PCAT7: variants seen among roughly 807,000 people sequenced by gnomAD.
PCAT7 encodes the protein prostate cancer associated transcript 7 (non-protein coding).
chr9:94,565,669 T>G (rs887327101), intron 2 of PCAT7, among the ~76,000 whole-genome samples: 1 of 130,924 alleles, frequency 7.6e-6, no homozygotes. Context: ...GTTTCTACTC[T>G]AACTTACCTT....
intron 2 of PCAT7, among the ~76,000 whole-genome samples, chr9:94,561,420 T>C (rs1311152243): frequency 7.6e-6 from 1 of 131,516 alleles, no homozygotes; most frequent in Admixed American, 9.4e-5. Context: ...TGGAGTGCAG[T>C]GGCGCGATCT....
chr9:94,562,669 G>A (rs974881949), intron 2 of PCAT7, among the ~76,000 whole-genome samples: 2 of 152,130 alleles, frequency 1.3e-5, no homozygotes, highest in East Asian at 3.8e-4. Flanking sequence ...ACTTACCTAC[G>A]ATTTCTGTGA....
At chr9:94,556,767 T>A (rs987039821) in intron 1 of PCAT7, among the ~76,000 whole-genome samples, 2 of 152,246 alleles carry the variant, frequency 1.3e-5, no homozygotes, top group Non-Finnish European at 2.9e-5. Flanking sequence ...TCCTAACCAA[T>A]TTCATGAAGC....
intron 2 of PCAT7, among the ~76,000 whole-genome samples, chr9:94,559,461 AG>A: frequency 6.6e-6 from 1 of 152,110 alleles, no homozygotes; most frequent in Non-Finnish European, 1.5e-5. Context: ...TTCAACAAGA[AG>A]CAAACTGATG....
intron 2 of PCAT7, among the ~76,000 whole-genome samples, chr9:94,566,256 C>T (rs565373045): frequency 6.6e-6 from 1 of 152,366 alleles, no homozygotes; most frequent in East Asian, 1.9e-4. Context: ...AAAGTCTCTG[C>T]AGCACTGTGA....
Position 94,559,017 on chromosome 9 carries a change from C to T in PCAT7, n.306C>T, listed in dbSNP as rs571948509. ...TGGTGACCCCAGAATGAGGGGGACT[C>T]GCTGGTGAATTGCCTCGGGCTTCAC... is the stretch of plus-strand genomic sequence containing the variant. On this transcript the variant is annotated non_coding_transcript_exon_variant, in exon 2 of 9. Transcript: ENST00000647389. The T allele has an allele frequency of 3.7e-6, 6 of 1,614,096 alleles. No individual in the cohort carries two copies. The highest frequency in any genetic ancestry group is 1.7e-5 in the Admixed American group (1 of 60,020).
At chr9:94,563,889 G>A (rs688843) in intron 2 of PCAT7, among the ~76,000 whole-genome samples, 38,638 of 152,066 alleles carry the variant, frequency 0.25, 6,252 homozygotes, top group East Asian at 0.53. Flanking sequence ...CAAAAAAGAC[G>A]AAAAGGACAT....
intron 1 of PCAT7, among the ~76,000 whole-genome samples, chr9:94,558,306 A>T (rs1035359589): frequency 6.6e-6 from 1 of 152,010 alleles, no homozygotes; most frequent in Non-Finnish European, 1.5e-5. Flanking sequence ...TTTATTTTTT[A>T]TTTTTTTAGA....
chr9:94,563,477 C>A (rs770749332), intron 2 of PCAT7: 4 of 1,610,732 alleles, frequency 2.5e-6, no homozygotes, highest in Admixed American at 1.7e-5. Flanking sequence ...AGACAGAAAG[C>A]GAAGAGACAA....
intron 2 of PCAT7, among the ~76,000 whole-genome samples, chr9:94,565,669 T>C (rs887327101): frequency 7.6e-6 from 1 of 130,924 alleles, no homozygotes; most frequent in Non-Finnish European, 1.6e-5. Flanking sequence ...GTTTCTACTC[T>C]AACTTACCTT....
chr9:94,564,955 A>G (rs907385903), intron 2 of PCAT7, among the ~76,000 whole-genome samples: 1 of 152,224 alleles, frequency 6.6e-6, no homozygotes, highest in African/African-American at 2.4e-5. Flanking sequence ...TCCCAACACA[A>G]AGAAATAATA....
intron 2 of PCAT7, among the ~76,000 whole-genome samples, chr9:94,563,898 A>G (rs1827146689): frequency 6.6e-6 from 1 of 152,212 alleles, no homozygotes; most frequent in Non-Finnish European, 1.5e-5. Flanking sequence ...CGAAAAGGAC[A>G]TTACATAATG....
At chr9:94,558,894 C>G in intron 1 of PCAT7, 1 of 1,583,852 alleles carries the variant, frequency 6.3e-7, no homozygotes, top group Non-Finnish European at 8.7e-7. Flanking sequence ...GGTCCTTAGA[C>G]AAGGTGCAAG....
chr9:94,558,159 T>C (rs931185323), intron 1 of PCAT7, among the ~76,000 whole-genome samples: 1 of 152,224 alleles, frequency 6.6e-6, no homozygotes, highest in Non-Finnish European at 1.5e-5. Flanking sequence ...TGCCATGAGA[T>C]TTCTAACTCA....
At chr9:94,557,507 T>G (rs1486838518) in intron 1 of PCAT7, among the ~76,000 whole-genome samples, 1 of 152,224 alleles carries the variant, frequency 6.6e-6, no homozygotes, top group Admixed American at 6.5e-5. Context: ...CTGCTAAAGT[T>G]GCCAAGCCAT....
intron 2 of PCAT7, among the ~76,000 whole-genome samples, chr9:94,564,808 AAAAT>A (rs1254485804): frequency 2.0e-5 from 3 of 152,186 alleles, no homozygotes; most frequent in Admixed American, 1.3e-4. Context: ...CCCTGAATCT[AAAAT>A]AAAAGTGTAG....
At chr9:94,566,492 T>C (rs1827191712) in intron 2 of PCAT7, among the ~76,000 whole-genome samples, 1 of 152,262 alleles carries the variant, frequency 6.6e-6, no homozygotes, top group African/African-American at 2.4e-5. Context: ...TAAGGGATAC[T>C]TTTAGTTAAT....
At chr9:94,560,560 C>G (rs913940656) in intron 2 of PCAT7, among the ~76,000 whole-genome samples, 5 of 152,080 alleles carry the variant, frequency 3.3e-5, no homozygotes, top group South Asian at 2.1e-4. Flanking sequence ...TCTCCATTAT[C>G]ACCTTACGAA....
intron 2 of PCAT7, among the ~76,000 whole-genome samples, chr9:94,560,911 G>A (rs1237555494): frequency 6.6e-6 from 1 of 151,946 alleles, no homozygotes; most frequent in African/African-American, 2.4e-5. Context: ...GTCAGTGTAA[G>A]GTGCCCTCAC....
Sources: allele counts gnomAD v4.1 joint callset (sites outside exome capture counted in the v4.1 genomes callset), GRCh38; gene constraint gnomAD v4.1.1; transcripts MANE v1.5; gene names NCBI Gene and HGNC (gene_info 2026-07-23, HGNC 2026-07-21).